Variants in CLNK observed in about 807,000 individuals in gnomAD.
CLNK encodes the protein cytokine dependent hematopoietic cell linker, also known as cytokine-dependent hematopoietic cell linker.
Under a neutral mutation model 68.6 loss-of-function variants are expected in CLNK, and 74 were observed. That is an observed-to-expected ratio of 1.08 (90% confidence interval 0.89 to 1.31). CLNK has a LOEUF of 1.31. Among genes scored for constraint, CLNK ranks in the 50% most tolerant of loss-of-function variants. The probability of loss-of-function intolerance (pLI) is 0.00; values close to 1 mark genes in which losing one functional copy is unlikely to be tolerated. For synonymous variants in CLNK, 198 were observed against 172.2 expected, an observed-to-expected ratio of 1.15 and a Z score of -1.17; for missense variants, 553 against 515.3, an observed-to-expected ratio of 1.07 and a Z score of -0.71.
chr4:10,613,116 G>T (rs999142008), intron 2 of CLNK, among the ~76,000 whole-genome samples: 1 of 152,146 alleles, frequency 6.6e-6, no homozygotes, highest in African/African-American at 2.4e-5. Flanking sequence ...AAGCAGAAAA[G>T]GATCTCTATC....
intron 18 of CLNK, among the ~76,000 whole-genome samples, chr4:10,497,300 A>AT (rs1186907387): frequency 1.3e-5 from 2 of 152,092 alleles, no homozygotes; most frequent in East Asian, 3.9e-4. Flanking sequence ...TCTGCCTTGG[A>AT]TTTCTTTCTC....
chr4:10,666,248 T>C (rs1263083690), intron 2 of CLNK, among the ~76,000 whole-genome samples: 3 of 152,198 alleles, frequency 2.0e-5, no homozygotes. Flanking sequence ...AGTATTTGAA[T>C]CCATGCAGGT....
At chr4:10,532,972 T>C (rs1718608361) in intron 11 of CLNK, among the ~76,000 whole-genome samples, 3 of 152,100 alleles carry the variant, frequency 2.0e-5, no homozygotes, top group Admixed American at 1.3e-4. Context: ...AGTAACAAAG[T>C]TGGGGCCTGG....
At chr4:10,496,887 AGGGTGCT>A in intron 18 of CLNK, among the ~76,000 whole-genome samples, 2 of 152,222 alleles carry the variant, frequency 1.3e-5, no homozygotes, top group African/African-American at 4.8e-5. Flanking sequence ...AAATTCTTTA[AGGGTGCT>A]CTTGAGCCCC....
In CLNK at chr4:10,542,254, C is replaced by T. The variant is rs1260134976; in HGVS notation, c.471+1G>A. 2.0e-6 allele frequency: 3 copies of T among 1,523,374 alleles called. No individual in the cohort carries two copies. Among genetic ancestry groups the T allele is most frequent in the Admixed American group, 3.8e-5 (2 of 52,504 alleles). The allele number at this position is 1,523,374 out of a possible 1,614,324, so 94.4% of individuals were successfully genotyped here. A position where few individuals can be genotyped will look rare whatever the true frequency, so the allele number is the denominator to read the frequency against. On this transcript the variant is annotated splice_donor_variant, in intron 9 of 18. Transcript: ENST00000226951. LOFTEE classifies it high-confidence loss of function. ...AAATGCATTTTATTGATTTCTCTTA[C>T]CTTGTTCTTTCTTACGGATGCATCT... is the stretch of plus-strand genomic sequence containing the variant.
At chr4:10,664,538 T>C (rs750281314) in intron 2 of CLNK, among the ~76,000 whole-genome samples, 3 of 152,232 alleles carry the variant, frequency 2.0e-5, no homozygotes, top group African/African-American at 7.2e-5. Context: ...GGATAAGTTC[T>C]CAAGTGTGCC....
At chr4:10,513,633 G>A in intron 15 of CLNK, 36 bp from the exon 16 acceptor site, 3 of 1,565,144 alleles carry the variant, frequency 1.9e-6, no homozygotes, top group East Asian at 2.3e-5. Flanking sequence ...GTGTGATTTT[G>A]TGACTGGTGC....
At chr4:10,538,662 G>C (rs1476140672) in intron 11 of CLNK, among the ~76,000 whole-genome samples, 1 of 152,178 alleles carries the variant, frequency 6.6e-6, no homozygotes, top group Non-Finnish European at 1.5e-5. Context: ...AGTCTGATTA[G>C]GTTCCTTTGA....
intron 11 of CLNK, among the ~76,000 whole-genome samples, chr4:10,538,122 A>T (rs1577115030): frequency 1.3e-5 from 2 of 151,942 alleles, no homozygotes; most frequent in Non-Finnish European, 2.9e-5. Flanking sequence ...TTTAGTTTAT[A>T]TATTTATTTT....
At chr4:10,676,974 G>A (rs1299782583) in intron 1 of CLNK, among the ~76,000 whole-genome samples, 4 of 106,722 alleles carry the variant, frequency 3.7e-5, no homozygotes, top group Admixed American at 1.4e-4. Flanking sequence ...CCTCTGTCTC[G>A]CCCCTATTTT....
At chr4:10,530,163 A>C (rs1718480207) in intron 12 of CLNK, among the ~76,000 whole-genome samples, 1 of 151,784 alleles carries the variant, frequency 6.6e-6, no homozygotes, top group South Asian at 2.1e-4. Flanking sequence ...AGACACCTAG[A>C]CTTCGGGATT....
the CLNK span, among the ~76,000 whole-genome samples, chr4:10,712,620 AGGCATAAGCAGAAGTTAAAT>A: frequency 6.6e-6 from 1 of 152,244 alleles, no homozygotes; most frequent in Admixed American, 6.5e-5. Context: ...AATTCTGTTA[AGGCATAAGCAGAAGTTAAAT>A]GGCAACCAGC....
the CLNK span, among the ~76,000 whole-genome samples, chr4:10,699,529 TCTGAGACGG>T: frequency 1.6e-3 from 178 of 113,628 alleles, no homozygotes; most frequent in South Asian, 2.5e-3. Context: ...TTTTTTTTTT[TCTGAGACGG>T]TTTTGCTCTT....
chr4:10,548,968 A>G (rs937559809), intron 8 of CLNK, among the ~76,000 whole-genome samples: 6 of 152,208 alleles, frequency 3.9e-5, no homozygotes, highest in Non-Finnish European at 7.3e-5. Context: ...CTTTTACTCA[A>G]GATTGCCTTG....
chr4:10,616,642 GA>G (rs1447044922), intron 2 of CLNK, among the ~76,000 whole-genome samples: 1 of 151,948 alleles, frequency 6.6e-6, no homozygotes, highest in African/African-American at 2.4e-5. Context: ...AAAAATCAAT[GA>G]AATCATTCTA....
At chr4:10,666,490 C>T (rs1724399897) in intron 2 of CLNK, among the ~76,000 whole-genome samples, 2 of 152,212 alleles carry the variant, frequency 1.3e-5, no homozygotes, top group Admixed American at 1.3e-4. Context: ...TTCTCCATTT[C>T]CCACAGTCAA....
intron 1 of CLNK, among the ~76,000 whole-genome samples, chr4:10,670,460 A>G (rs959327843): frequency 6.6e-6 from 1 of 152,236 alleles, no homozygotes; most frequent in African/African-American, 2.4e-5. Context: ...GTGTGCCTGG[A>G]TCTTGGCCAG....
chr4:10,518,597 T>C (rs1378189877), intron 15 of CLNK, among the ~76,000 whole-genome samples: 1 of 152,238 alleles, frequency 6.6e-6, no homozygotes, highest in Non-Finnish European at 1.5e-5. Flanking sequence ...CTGGGGCCTC[T>C]TCCAACATGT....
intron 11 of CLNK, among the ~76,000 whole-genome samples, chr4:10,534,106 G>GAT (rs760305924): frequency 2.2e-4 from 33 of 152,128 alleles, no homozygotes; most frequent in Non-Finnish European, 4.4e-4. Flanking sequence ...TAAGCAGAGT[G>GAT]ATTGTCTTTC....
Sources: allele counts gnomAD v4.1 joint callset (sites outside exome capture counted in the v4.1 genomes callset), GRCh38; gene constraint gnomAD v4.1.1; transcripts MANE v1.5; gene names NCBI Gene and HGNC (gene_info 2026-07-23, HGNC 2026-07-21).